The following KLF4 variants were observed in gnomAD, a reference collection of about 807,000 sequenced individuals.
KLF4 encodes the protein KLF transcription factor 4.
KLF4 carries 14 observed loss-of-function variants against 38.0 expected under a neutral mutation model. The observed-to-expected ratio is 0.37, with a 90% CI of 0.24 to 0.58. The LOEUF is 0.58. KLF4 is among the 20% of genes least tolerant of loss of function. The pLI is 0.76. For synonymous variants in KLF4, 398 were observed against 302.5 expected (o/e 1.32, Z -3.28); for missense variants, 737 against 670.1 (o/e 1.10, Z -1.10).
chr9:107,486,899 G>C, intron 4 of KLF4, 129 bp downstream of exon 4: 1 of 1,558,574 alleles, frequency 6.4e-7, no homozygotes, highest in East Asian at 2.3e-5. Flanking sequence ...GAGGCACTGA[G>C]GAGTGTCCAC....
At position 107,488,487 on chromosome 9, in the gene KLF4, G is replaced by A. The variant is rs1829129823; in HGVS notation, c.127-220C>T. On this transcript the variant is annotated intron_variant, in intron 2 of 4. Transcript: ENST00000374672. The surrounding 1 kb of genome is among the most constrained non-coding windows in gnomAD (Gnocchi z 5.7). ...GTATTGCGGGTGTTATGTCCTGTCT[G>A]CCCAATTGCGTGTGAGCGAGCGCCG... is the stretch of plus-strand genomic sequence containing the variant. 4 of 786,064 alleles carry A rather than the reference G, an allele frequency of 5.1e-6. No homozygotes were observed. The highest frequency in any genetic ancestry group is 2.9e-5 in the East Asian group (1 of 34,582). The allele number at this position is 786,064 out of a possible 1,614,324, so 48.7% of individuals were successfully genotyped here.
At position 107,488,501 on chromosome 9, in the gene KLF4, G is replaced by C; in HGVS notation, c.127-234C>G. On this transcript the variant is annotated intron_variant, in intron 2 of 4. Coordinates refer to ENST00000374672, the MANE Select transcript of KLF4 (RefSeq NM_004235.6). The surrounding 1 kb of genome is among the most constrained non-coding windows in gnomAD (Gnocchi z 5.7). ...ATGTCCTGTCTGCCCAATTGCGTGT[G>C]AGCGAGCGCCGCGGCTGGTCCCTCC... 1.4e-6 allele frequency: 1 copy of C among 702,580 alleles called. No homozygotes were observed. Among genetic ancestry groups the C allele is most frequent in the East Asian group, 3.0e-5 (1 of 33,034 alleles). 43.5% of individuals were successfully genotyped at this position (702,580 alleles called of 1,614,324 possible). A position where few individuals can be genotyped will look rare whatever the true frequency, so the allele number is the denominator to read the frequency against.
chr9:107,486,789 C>A (rs1306660618), intron 4 of KLF4, among the ~76,000 whole-genome samples: 2 of 152,078 alleles, frequency 1.3e-5, no homozygotes, highest in African/African-American at 4.8e-5. Context: ...AGATACCATC[C>A]ATCAAGCAAA....
rs757608831 is a variant in KLF4, at chr9:107,487,314, G to C, written c.1080C>G (p.Val360=). 8.9e-6 allele frequency: 14 copies of C among 1,572,212 alleles called. No individual in the cohort carries two copies. Among genetic ancestry groups the C allele is most frequent in the Middle Eastern group, 3.4e-4 (2 of 5,842 alleles). The change falls in exon 3 of 5, where the codon GTC becomes GTG. Residue 360 remains valine, a synonymous_variant. Transcript: ENST00000374672. The surrounding 1 kb of genome is among the most constrained non-coding windows in gnomAD (Gnocchi z 6.1). ...ACTGACCTTGGTAATGGAGCGGCGG[G>C]ACTTGCGGCTGCATCTGATCGGGCA... ...SFLPDQMQPQ[V]PPLHYQELMP...
At position 107,487,890 on chromosome 9, in the gene KLF4, G is replaced by A. The variant is rs34660570; in HGVS notation, c.504C>T (p.Gly168=). 5.6e-3 allele frequency: 8,710 copies of A among 1,553,662 alleles called. 358 individuals carry two copies. In the African/African-American group the frequency reaches 0.093, roughly 17 times the overall value. The part of the protein sequence containing the change: ...NDPGVAPGGT[G]GGLLYGRESA... ...ACTCCCTGCCATAGAGGAGGCCTCC[G>A]CCCGTGCCGCCCGGCGCCACGCCCG... Residue 168 remains glycine, a synonymous_variant, in exon 3 of 5, where the codon GGC becomes GGT. Transcript: ENST00000374672. The surrounding 1 kb of genome is among the most constrained non-coding windows in gnomAD (Gnocchi z 6.1).
At position 107,489,283 on chromosome 9, in the gene KLF4, G is replaced by A. The variant is rs753901347; in HGVS notation, c.-111C>T. On this transcript the variant is annotated 5_prime_UTR_variant, in exon 1 of 5. Transcript: ENST00000374672. ...CAAAACCCAAAACCCCAAATTGGCC[G>A]AGATCCTTCTTCTTTGGATTAAATA... The A allele has an allele frequency of 3.0e-6, 4 of 1,319,514 alleles. No individual in the cohort carries two copies. In the African/African-American group the frequency reaches 6.1e-5, roughly 20 times the overall value. The allele number at this position is 1,319,514 out of a possible 1,614,324, so 81.7% of individuals were successfully genotyped here. A position where few individuals can be genotyped will look rare whatever the true frequency, so the allele number is the denominator to read the frequency against.
chr9:107,486,219 G>A (rs1395337359), intron 4 of KLF4, among the ~76,000 whole-genome samples: 3 of 152,020 alleles, frequency 2.0e-5, no homozygotes, highest in Non-Finnish European at 4.4e-5. Flanking sequence ...CTATACTAAT[G>A]TTTCATTTGA....
In KLF4 at chr9:107,488,179, G is replaced by T; in HGVS notation, c.215C>A (p.Thr72Lys). The change falls in exon 3 of 5, where the codon ACA becomes AAA. Residue 72 changes from threonine to lysine, a missense_variant. Physicochemically the swap from Thr to Lys is moderately conservative, Grantham distance 78. This residue lies in a region of KLF4 where 695 missense variants were observed against 554.5 expected (regional missense o/e 1.25). Coordinates refer to ENST00000374672, the MANE Select transcript of KLF4 (RefSeq NM_004235.6). This position sits in a 1 kb window ranked among gnomAD's most constrained non-coding sequence, Gnocchi z 5.7. ...PYDLAAATVA[T>K]DLESGGAGAA... ...ACCGGCTCCGCCGCTCTCCAGGTCT[G>T]TGGCCACGGTCGCCGCCGCCAGGTC... is the stretch of plus-strand genomic sequence containing the variant. 1 of 1,612,426 alleles carries T rather than the reference G, an allele frequency of 6.2e-7. No individual in the cohort carries two copies. The highest frequency in any genetic ancestry group is 8.5e-7 in the Non-Finnish European group (1 of 1,179,786).
In KLF4 at chr9:107,489,008, C is replaced by G. The variant is rs778615690; in HGVS notation, c.48G>C (p.Leu16=). ...GESDMAVSDA[L]LPSFSTFASG... ...ACGCGAACGTGGAGAAAGATGGGAG[C>G]AGCGCGTCGCTGACAGCCATGTCAG... The change falls in exon 2 of 5, where the codon CTG becomes CTC. Residue 16 remains leucine, a synonymous_variant. Transcript: ENST00000374672. 75 of 1,564,596 alleles carry G rather than the reference C, an allele frequency of 4.8e-5. No individual in the cohort carries two copies. The highest frequency in any genetic ancestry group is 6.4e-5 in the Non-Finnish European group (74 of 1,154,118).
In KLF4 at chr9:107,488,857, C is replaced by A; in HGVS notation, c.126+73G>T. The stretch of plus-strand genomic sequence containing the variant: ...CTCGTTCAGTGGCTCTTGGTGACCC[C>A]AAGGCTCCGCCCGCCCCCACCACAC... On this transcript the variant is annotated intron_variant, in intron 2 of 4. Transcript: ENST00000374672. The surrounding 1 kb of genome is among the most constrained non-coding windows in gnomAD (Gnocchi z 5.7). The A allele has an allele frequency of 6.6e-7, 1 of 1,513,972 alleles. No homozygotes were observed. The highest frequency in any genetic ancestry group is 1.3e-5 in the South Asian group (1 of 78,956). 93.8% of individuals were successfully genotyped at this position (1,513,972 alleles called of 1,614,324 possible).
At chr9:107,486,743 CT>C (rs1310798214) in intron 4 of KLF4, among the ~76,000 whole-genome samples, 1 of 152,058 alleles carries the variant, frequency 6.6e-6, no homozygotes, top group Non-Finnish European at 1.5e-5. Context: ...AATCTCCTGC[CT>C]TTTAAAAGCC....
Position 107,488,382 on chromosome 9 carries a change from G to A in KLF4, c.127-115C>T. On this transcript the variant is annotated intron_variant, in intron 2 of 4. Transcript: ENST00000374672. This position sits in a 1 kb window ranked among gnomAD's most constrained non-coding sequence, Gnocchi z 5.7. ...ACCGCCCAGACATGGGGACTGGTCAGGCAGGAAGCACCCGGGAACCCAGGG... is the reference window on the plus strand; with the variant it reads ...ACCGCCCAGACATGGGGACTGGTCAAGCAGGAAGCACCCGGGAACCCAGGG... The A allele has an allele frequency of 2.8e-6, 4 of 1,434,594 alleles. No homozygotes were observed. Among genetic ancestry groups the A allele is most frequent in the Non-Finnish European group, 3.6e-6 (4 of 1,099,292 alleles). 88.9% of individuals were successfully genotyped at this position (1,434,594 alleles called of 1,614,324 possible). A position where few individuals can be genotyped will look rare whatever the true frequency, so the allele number is the denominator to read the frequency against.
rs756858595 is a variant in KLF4, at chr9:107,488,048, G to A, written c.346C>T (p.Pro116Ser). The A allele has an allele frequency of 2.3e-5, 37 of 1,612,272 alleles. No homozygotes were observed. In the Admixed American group the frequency reaches 3.5e-4, roughly 15 times the overall value. The change falls in exon 3 of 5, where the codon CCT becomes TCT. Residue 116 changes from proline (P) to serine (S), a missense_variant. Coordinates refer to ENST00000374672, the MANE Select transcript of KLF4 (RefSeq NM_004235.6). The surrounding 1 kb of genome is among the most constrained non-coding windows in gnomAD (Gnocchi z 5.7). Reference protein sequence around the residue: ...DFILSNSLTHPPESVAATVSS... With the variant: ...DFILSNSLTHSPESVAATVSS... The stretch of plus-strand genomic sequence containing the variant: ...ACGGTGGCGGCCACTGACTCCGGAG[G>A]ATGGGTCAGCGAATTGGAGAGAATA...
At chr9:107,486,384 A>C (rs983128169) in intron 4 of KLF4, among the ~76,000 whole-genome samples, 1 of 151,982 alleles carries the variant, frequency 6.6e-6, no homozygotes, top group African/African-American at 2.4e-5. Context: ...GCTGCACCTA[A>C]ACGACTTTGG....
In KLF4 at chr9:107,484,928, TTCA is replaced by T. The variant is rs1387099053; in HGVS notation, c.*820_*822del. On this transcript the variant is annotated 3_prime_UTR_variant, in exon 5 of 5. Transcript: ENST00000374672. ...TGCAAAATACAAACTCCACAAAATGTTCATTTTACTTTGTAGTTTACAAATATA... is the reference window on the plus strand; with the variant it reads ...TGCAAAATACAAACTCCACAAAATGTTTTTACTTTGTAGTTTACAAATATA... The T allele has an allele frequency of 5.2e-6, 1 of 193,534 alleles. No individual in the cohort carries two copies. Among genetic ancestry groups the T allele is most frequent in the African/African-American group, 2.3e-5 (1 of 43,178 alleles). 12.0% of individuals were successfully genotyped at this position (193,534 alleles called of 1,614,324 possible).
rs1204320076 is a variant in KLF4, at chr9:107,488,252, G to C, written c.142C>G (p.Leu48Val). 4 of 1,605,592 alleles carry C rather than the reference G, an allele frequency of 2.5e-6. No individual in the cohort carries two copies. Among genetic ancestry groups the C allele is most frequent in the East Asian group, 2.2e-5 (1 of 44,632 alleles). The change falls in exon 3 of 5, where the codon CTC (leucine) becomes GTC (valine). Residue 48 changes from leucine (L) to valine (V), a missense_variant. Leu to Val is a conservative substitution (Grantham distance 32, BLOSUM62 1). Transcript: ENST00000374672. The surrounding 1 kb of genome is among the most constrained non-coding windows in gnomAD (Gnocchi z 5.7). ...GGGGGAAGTCGCTTCATGTGGGAGA[G>C]CTCCTCCCGCCAGCGCTGCGGGGAC... ...GAPNNRWREE[L>V]SHMKRLPPVL...
At position 107,485,521 on chromosome 9, in the gene KLF4, G is replaced by C. The variant is rs1304039351; in HGVS notation, c.*230C>G. On this transcript the variant is annotated 3_prime_UTR_variant, in exon 5 of 5. Coordinates refer to ENST00000374672, the MANE Select transcript of KLF4 (RefSeq NM_004235.6). The surrounding 1 kb of genome is among the most constrained non-coding windows in gnomAD (Gnocchi z 4.9). ...TCCAGGAATATTCAAGTCGGATTTA[G>C]AATTGGAATGATAGAAGATCCAGTC... 1 of 454,006 alleles carries C rather than the reference G, an allele frequency of 2.2e-6. No homozygotes were observed. The highest frequency in any genetic ancestry group is 2.0e-5 in the African/African-American group (1 of 48,914). 28.1% of individuals were successfully genotyped at this position (454,006 alleles called of 1,614,324 possible).
In KLF4 at chr9:107,487,883, GGCC is replaced by G. The variant is rs1480469554; in HGVS notation, c.508_510del (p.Gly170del). The stretch of plus-strand genomic sequence containing the variant: ...GGAGCGGACTCCCTGCCATAGAGGA[GGCC>G]TCCGCCCGTGCCGCCCGGCGCCACG... On this transcript the variant is annotated inframe_deletion, in exon 3 of 5. Coordinates refer to ENST00000374672, the MANE Select transcript of KLF4 (RefSeq NM_004235.6). This position sits in a 1 kb window ranked among gnomAD's most constrained non-coding sequence, Gnocchi z 6.1. 3 of 1,548,740 alleles carry G rather than the reference GGCC, an allele frequency of 1.9e-6. No homozygotes were observed. In the Admixed American group the frequency reaches 5.9e-5, roughly 31 times the overall value.
rs1371035257 is a variant in KLF4, at chr9:107,489,607, G to A, written c.-435C>T. The A allele has an allele frequency of 4.2e-5, 8 of 192,386 alleles. No individual in the cohort carries two copies. The highest frequency in any genetic ancestry group is 7.4e-5 in the Non-Finnish European group (7 of 94,290). 11.9% of individuals were successfully genotyped at this position (192,386 alleles called of 1,614,324 possible). On this transcript the variant is annotated 5_prime_UTR_variant, in exon 1 of 5. Transcript: ENST00000374672. ...CGCGGACTCCGGTGAGTTGTGTGGA[G>A]CGCGCGCGGCCATGGGCGCGGGCCA...
Sources: allele counts gnomAD v4.1 joint callset (sites outside exome capture counted in the v4.1 genomes callset), GRCh38; gene constraint gnomAD v4.1.1; regional missense constraint gnomAD v4.1.1; non-coding constraint Gnocchi (gnomAD v3.1); transcripts MANE v1.5; gene names NCBI Gene and HGNC (gene_info 2026-07-23, HGNC 2026-07-21).